PPP2R2C: variants seen among roughly 807,000 people sequenced by gnomAD.
PPP2R2C encodes protein phosphatase 2 regulatory subunit Bgamma.
Under a neutral mutation model 45.3 loss-of-function variants are expected in PPP2R2C, and 10 were observed. The ratio of observed to expected loss-of-function variants is 0.22; its 90% confidence interval spans 0.14 to 0.37. PPP2R2C has a LOEUF of 0.37. Among genes scored for constraint, PPP2R2C ranks in the 10% least tolerant of loss-of-function variants. The pLI is 1.00. For synonymous variants in PPP2R2C, 257 were observed against 245.4 expected (o/e 1.05, Z -0.44); for missense variants, 308 against 619.7 (o/e 0.50, Z 5.34).
rs74975423 is a variant in PPP2R2C, at chr4:6,324,695, T to G, written c.1053-1102A>C. On this transcript the variant is annotated intron_variant, in intron 8 of 8. Transcript: ENST00000382599. This position sits in a 1 kb window ranked among gnomAD's most constrained non-coding sequence, Gnocchi z 4.1. ...GGGCTCGCTGCCCTCACCGTCCCGC[T>G]AAAGAGAATTCCACACCATTTCTCT... is the stretch of plus-strand genomic sequence containing the variant. Among the ~76,000 whole-genome samples the G allele has an allele frequency of 0.022, 3,361 of 152,258 alleles. 113 individuals are homozygous for G. Among genetic ancestry groups the G allele is most frequent in the African/African-American group, 0.074 (3,086 of 41,550 alleles).
intron 1 of PPP2R2C, among the ~76,000 whole-genome samples, chr4:6,543,454 G>A (rs933638844): frequency 6.6e-6 from 1 of 152,174 alleles, no homozygotes; most frequent in Non-Finnish European, 1.5e-5. Context: ...CAGGCGTGGT[G>A]GTTCATGCCT....
At chr4:6,326,388 G>C (rs1731940791) in intron 8 of PPP2R2C, among the ~76,000 whole-genome samples, 1 of 152,180 alleles carries the variant, frequency 6.6e-6, no homozygotes, top group Non-Finnish European at 1.5e-5. Context: ...AAGTGTAGGT[G>C]TGTTTGACTC....
chr4:6,525,492 G>C (rs1724168908), intron 2 of PPP2R2C, among the ~76,000 whole-genome samples: 2 of 141,904 alleles, frequency 1.4e-5, no homozygotes, highest in African/African-American at 5.3e-5. Flanking sequence ...ACGGACTCCA[G>C]AGAAACCTTA....
At chr4:6,431,136 C>G (rs1487480143) in intron 1 of PPP2R2C, among the ~76,000 whole-genome samples, 2 of 152,104 alleles carry the variant, frequency 1.3e-5, no homozygotes, top group African/African-American at 4.8e-5. Flanking sequence ...AGCAAGGGGA[C>G]GAGCCGCCTG....
At chr4:6,491,316 G>T (rs1208894819) in intron 2 of PPP2R2C, among the ~76,000 whole-genome samples, 1 of 152,206 alleles carries the variant, frequency 6.6e-6, no homozygotes, top group African/African-American at 2.4e-5. Context: ...TGGTGGCACA[G>T]GCTGGCCAAT....
chr4:6,462,395 C>G (rs1486666391), intron 1 of PPP2R2C, among the ~76,000 whole-genome samples: 1 of 152,174 alleles, frequency 6.6e-6, no homozygotes, highest in Non-Finnish European at 1.5e-5. Flanking sequence ...AGGAGAATCA[C>G]TTGAACCCGG....
intron 2 of PPP2R2C, among the ~76,000 whole-genome samples, chr4:6,486,945 G>A (rs1269403432): frequency 6.6e-6 from 1 of 151,810 alleles, no homozygotes; most frequent in Non-Finnish European, 1.5e-5. Context: ...TCTTCTTTGG[G>A]ATTAATTAAG....
At chr4:6,554,730 C>T (rs561913214) in intron 1 of PPP2R2C, among the ~76,000 whole-genome samples, 6 of 151,652 alleles carry the variant, frequency 4.0e-5, no homozygotes, top group Admixed American at 1.3e-4. Context: ...CCTGGTGGTG[C>T]ACACCTGTAA....
intron 1 of PPP2R2C, among the ~76,000 whole-genome samples, chr4:6,458,426 C>A (rs1343562795): frequency 2.0e-5 from 3 of 152,182 alleles, no homozygotes; most frequent in African/African-American, 4.8e-5. Context: ...TGCGTCCTCA[C>A]ATGACAGAAG....
rs370991661 is a variant in PPP2R2C, at chr4:6,364,053, C to T, written c.625+8470G>A. ...TTATTCCAGGTAGATCAAACAAGGT[C>T]CCTGCTCTCAAGAAGCTGCCAGTCC... On this transcript the variant is annotated intron_variant, in intron 5 of 8. Transcript: ENST00000382599. This position sits in a 1 kb window ranked among gnomAD's most constrained non-coding sequence, Gnocchi z 5.3. Among the ~76,000 whole-genome samples, 26 of 152,288 alleles carry T rather than the reference C, an allele frequency of 1.7e-4. No individual in the cohort carries two copies. Among genetic ancestry groups the T allele is most frequent in the African/African-American group, 5.8e-4 (24 of 41,560 alleles).
At position 6,541,212 on chromosome 4, in the gene PPP2R2C, A is replaced by G. The variant is rs116293291; in HGVS notation, c.-58-5835T>C. On this transcript the variant is annotated intron_variant, in intron 1 of 9. Coordinates refer to the PPP2R2C transcript ENST00000506140. ...CTGAATTACAGACCTGGGAATATGA[A>G]TTTCAGCTGGACACACAGCCCCCTG... 3.1e-3 allele frequency among the ~76,000 whole-genome samples: 478 copies of G among 152,242 alleles called. 2 individuals carry two copies. Among genetic ancestry groups the G allele is most frequent in the African/African-American group, 0.011 (459 of 41,538 alleles).
In PPP2R2C at chr4:6,329,093, G is replaced by A. The variant is rs964380750; in HGVS notation, c.1052+169C>T. Among the ~76,000 whole-genome samples the A allele has an allele frequency of 1.3e-4, 20 of 152,308 alleles. No homozygotes were observed. Among genetic ancestry groups the A allele is most frequent in the African/African-American group, 4.6e-4 (19 of 41,564 alleles). On this transcript the variant is annotated intron_variant, in intron 8 of 8. Transcript: ENST00000382599. This position sits in a 1 kb window ranked among gnomAD's most constrained non-coding sequence, Gnocchi z 5.8. Reference sequence around the variant, plus strand: ...TTCATGTCCTGCCCCTTGAATCTGAGCGCTGAGAGTTGGACCTGCTCTGGA... The same window carrying A: ...TTCATGTCCTGCCCCTTGAATCTGAACGCTGAGAGTTGGACCTGCTCTGGA...
At position 6,463,953 on chromosome 4, in the gene PPP2R2C, A is replaced by T. The variant is rs115048551; in HGVS notation, c.70+8207T>A. ...TCTCCTAAGTGTGGTGCATAATCAGAACTGAACAGGCCACCTAACCCTGCC... is the reference window on the plus strand; with the variant it reads ...TCTCCTAAGTGTGGTGCATAATCAGTACTGAACAGGCCACCTAACCCTGCC... On this transcript the variant is annotated intron_variant, in intron 1 of 8. Transcript: ENST00000382599. 1.2e-3 allele frequency among the ~76,000 whole-genome samples: 183 copies of T among 152,324 alleles called. 2 individuals carry two copies. The highest frequency in any genetic ancestry group is 4.3e-3 in the African/African-American group (177 of 41,572).
intron 1 of PPP2R2C, among the ~76,000 whole-genome samples, chr4:6,410,832 T>C (rs1056543506): frequency 6.8e-6 from 1 of 147,856 alleles, no homozygotes. Context: ...GGGACTACTA[T>C]TCCCCCTGTT....
chr4:6,541,514 C>T (rs1217533805), intron 1 of PPP2R2C, among the ~76,000 whole-genome samples: 1 of 152,102 alleles, frequency 6.6e-6, no homozygotes, highest in Non-Finnish European at 1.5e-5. Flanking sequence ...CCTGACCAGA[C>T]CAGACCCTCG....
At position 6,471,163 on chromosome 4, in the gene PPP2R2C, C is replaced by T. The variant is rs747152359; in HGVS notation, c.70+997G>A. Among the ~76,000 whole-genome samples the T allele has an allele frequency of 1.8e-4, 27 of 152,204 alleles. No homozygotes were observed. Among genetic ancestry groups the T allele is most frequent in the South Asian group, 4.1e-4 (2 of 4,834 alleles). Reference sequence around the variant, plus strand: ...GTGCCCAGGGCCCCTCCCACTGGGGCACCCACCCGGGGAATCCGCGCACAC... The same window carrying T: ...GTGCCCAGGGCCCCTCCCACTGGGGTACCCACCCGGGGAATCCGCGCACAC... On this transcript the variant is annotated intron_variant, in intron 1 of 8. Transcript: ENST00000382599. This position sits in a 1 kb window ranked among gnomAD's most constrained non-coding sequence, Gnocchi z 5.6.
chr4:6,408,212 G>C (rs1717926282), intron 1 of PPP2R2C, among the ~76,000 whole-genome samples: 1 of 152,176 alleles, frequency 6.6e-6, no homozygotes, highest in African/African-American at 2.4e-5. Context: ...AGAAATTAAA[G>C]TGCCAACAAA....
At chr4:6,514,072 G>A (rs55820857) in intron 2 of PPP2R2C, among the ~76,000 whole-genome samples, 25,869 of 152,148 alleles carry the variant, frequency 0.17, 2,767 homozygotes, top group Non-Finnish European at 0.25. Flanking sequence ...CATGTGCACC[G>A]AATTCATTTT....
At chr4:6,325,876 T>C (rs1256567622) in intron 8 of PPP2R2C, among the ~76,000 whole-genome samples, 1 of 152,134 alleles carries the variant, frequency 6.6e-6, no homozygotes. Context: ...CTCTTTCCTT[T>C]GGGGAAAGAA....
Sources: allele counts gnomAD v4.1 joint callset (sites outside exome capture counted in the v4.1 genomes callset), GRCh38; gene constraint gnomAD v4.1.1; non-coding constraint Gnocchi (gnomAD v3.1); transcripts MANE v1.5; gene names NCBI Gene and HGNC (gene_info 2026-07-23, HGNC 2026-07-21).